SNX19: variants seen among roughly 807,000 people sequenced by gnomAD.
SNX19 encodes sorting nexin-19.
SNX19 carries 60 observed loss-of-function variants against 85.2 expected under a neutral mutation model. The observed-to-expected ratio is 0.70, with a 90% CI of 0.57 to 0.87. The LOEUF (loss-of-function observed/expected upper bound fraction) is 0.87. Ranked by LOEUF, SNX19 falls within the 40% of genes least tolerant of loss-of-function variation. The probability of loss-of-function intolerance (pLI) is 0.00; values close to 1 mark genes in which losing one functional copy is unlikely to be tolerated. For synonymous variants in SNX19, 520 were observed against 470.0 expected, an observed-to-expected ratio of 1.11 and a Z score of -1.38; for missense variants, 1,201 against 1,217.8, an observed-to-expected ratio of 0.99 and a Z score of 0.21.
At position 130,914,945 on chromosome 11, in the gene SNX19, C is replaced by T. The variant is rs1946432446; in HGVS notation, c.995G>A (p.Gly332Asp). The T allele has an allele frequency of 6.2e-7, 1 of 1,614,182 alleles. No homozygotes were observed. The change falls in exon 1 of 11, where the codon GGC becomes GAC. Residue 332 changes from glycine to aspartate, a missense_variant. By Grantham distance (94) the Gly-to-Asp change is moderately conservative (BLOSUM62 -1). Around this residue, in one of 3 missense-constraint regions of SNX19, gnomAD observed 791 missense variants for 750.9 expected, o/e 1.05. Transcript: ENST00000265909. ...CAAATCTCCCTCTACAGCTTCGTGG[C>T]CTTCTTCAACCTCTGGAGAGGGGCC... ...SAGPSPEVEE[G>D]HEAVEGDLGG...
rs1377112273 is a variant in SNX19, at chr11:130,866,881, T to A, written c.*11541A>T. ...TGGCTTTGCTAATAATAATGACATTTATTATGCACTGTGTGCTAGAGGTTG... is the reference window on the plus strand; with the variant it reads ...TGGCTTTGCTAATAATAATGACATTAATTATGCACTGTGTGCTAGAGGTTG... On this transcript the variant is annotated 3_prime_UTR_variant, in exon 11 of 11. Transcript: ENST00000265909. 6.6e-6 allele frequency: 1 copy of A among 152,214 alleles called. No homozygotes were observed. The highest frequency in any genetic ancestry group is 2.4e-5 in the African/African-American group (1 of 41,450). The allele number at this position is 152,214 out of a possible 1,614,324, so 9.4% of individuals were successfully genotyped here. A position where few individuals can be genotyped will look rare whatever the true frequency, so the allele number is the denominator to read the frequency against.
intron 8 of SNX19, among the ~76,000 whole-genome samples, chr11:130,881,821 G>C (rs1217269779): frequency 6.6e-6 from 1 of 152,138 alleles, no homozygotes; most frequent in African/African-American, 2.4e-5. Flanking sequence ...GGTAGCTCTG[G>C]AACAATTACT....
At chr11:130,900,340 T>C (rs1366219991) in intron 8 of SNX19, among the ~76,000 whole-genome samples, 4 of 152,144 alleles carry the variant, frequency 2.6e-5, no homozygotes, top group Non-Finnish European at 5.9e-5. Context: ...TTATCCTCAA[T>C]ATATGAAAAA....
rs1430167220 is a variant in SNX19, at chr11:130,875,458, T to A, written c.*2964A>T. 1 of 152,200 alleles carries A rather than the reference T, an allele frequency of 6.6e-6. No homozygotes were observed. The highest frequency in any genetic ancestry group is 2.4e-5 in the African/African-American group (1 of 41,446). The allele number at this position is 152,200 out of a possible 1,614,324, so 9.4% of individuals were successfully genotyped here. On this transcript the variant is annotated 3_prime_UTR_variant, in exon 11 of 11. Transcript: ENST00000265909. ...GCACTGTGCTGCTTCTAGTTAATAATGTACCGTCTCAAAATAAATAAATAA... is the reference window on the plus strand; with the variant it reads ...GCACTGTGCTGCTTCTAGTTAATAAAGTACCGTCTCAAAATAAATAAATAA...
At chr11:130,907,024 T>C (rs1465125426) in intron 5 of SNX19, among the ~76,000 whole-genome samples, 1 of 152,208 alleles carries the variant, frequency 6.6e-6, no homozygotes, top group Non-Finnish European at 1.5e-5. Flanking sequence ...TCCCACAGGA[T>C]AGATTAGCTA....
At chr11:130,897,506 C>A (rs3794134) in intron 8 of SNX19, among the ~76,000 whole-genome samples, 2 of 152,148 alleles carry the variant, frequency 1.3e-5, no homozygotes, top group Non-Finnish European at 2.9e-5. Flanking sequence ...GGGAGGGCAG[C>A]GCCGCGGACG....
At position 130,894,019 on chromosome 11, in the gene SNX19, A is replaced by T. The variant is rs142163800; in HGVS notation, c.2573+9236T>A. On this transcript the variant is annotated intron_variant, in intron 8 of 10. Transcript: ENST00000265909. Reference sequence around the variant, plus strand: ...AAAACCAAGTTAATGGGGGAGAGCCAAACGGTCTCCATCCATGGCCGAAAG... The same window carrying T: ...AAAACCAAGTTAATGGGGGAGAGCCTAACGGTCTCCATCCATGGCCGAAAG... 5,635 of 576,348 alleles carry T rather than the reference A, an allele frequency of 9.8e-3. 65 individuals are homozygous for T. Among genetic ancestry groups the T allele is most frequent in the Non-Finnish European group, 0.01 (3,368 of 323,592 alleles). The allele number at this position is 576,348 out of a possible 1,614,324, so 35.7% of individuals were successfully genotyped here. A position where few individuals can be genotyped will look rare whatever the true frequency, so the allele number is the denominator to read the frequency against.
In SNX19 at chr11:130,878,230, G is replaced by A. The variant is rs763102294; in HGVS notation, c.*192C>T. The stretch of plus-strand genomic sequence containing the variant: ...TCACAAAAGGAACAGGGAAATAAAC[G>A]TGCATACAACTGGGACACACAGACC... On this transcript the variant is annotated 3_prime_UTR_variant, in exon 11 of 11. Coordinates refer to ENST00000265909, the MANE Select transcript of SNX19 (RefSeq NM_014758.3). 3.5e-5 allele frequency: 17 copies of A among 479,202 alleles called. No homozygotes were observed. Among genetic ancestry groups the A allele is most frequent in the Non-Finnish European group, 6.2e-5 (17 of 273,314 alleles). The allele number at this position is 479,202 out of a possible 1,614,324, so 29.7% of individuals were successfully genotyped here.
intron 9 of SNX19, among the ~76,000 whole-genome samples, 199 bp from the exon 10 acceptor site, chr11:130,879,910 A>G (rs918413611): frequency 2.0e-5 from 3 of 152,244 alleles, no homozygotes; most frequent in Non-Finnish European, 4.4e-5. Flanking sequence ...AGGTGTCTAC[A>G]TAAGAATGGG....
chr11:130,891,636 GAAGAA>G (rs1944501576), intron 8 of SNX19, among the ~76,000 whole-genome samples: 2 of 152,122 alleles, frequency 1.3e-5, no homozygotes, highest in South Asian at 2.1e-4. Flanking sequence ...AAACTAGTAA[GAAGAA>G]AAGAAGAGAG....
chr11:130,886,275 C>T (rs1052401493), intron 8 of SNX19, among the ~76,000 whole-genome samples: 5 of 152,080 alleles, frequency 3.3e-5, no homozygotes, highest in African/African-American at 1.2e-4. Flanking sequence ...ACACTTGTTT[C>T]GTATGTATGT....
At chr11:130,898,682 C>G (rs917037022) in intron 8 of SNX19, among the ~76,000 whole-genome samples, 18 of 152,136 alleles carry the variant, frequency 1.2e-4, no homozygotes, top group African/African-American at 3.9e-4. Context: ...TATTGGCTTA[C>G]CAAAGCAAAT....
rs1943356884 is a variant in SNX19 at position 130,877,876 on chromosome 11, C to T, written c.*546G>A. The T allele has an allele frequency of 6.6e-6, 1 of 152,384 alleles. No individual in the cohort carries two copies. Among genetic ancestry groups the T allele is most frequent in the Non-Finnish European group, 1.5e-5 (1 of 68,052 alleles). The allele number at this position is 152,384 out of a possible 1,614,324, so 9.4% of individuals were successfully genotyped here. A position where few individuals can be genotyped will look rare whatever the true frequency, so the allele number is the denominator to read the frequency against. On this transcript the variant is annotated 3_prime_UTR_variant, in exon 11 of 11. Transcript: ENST00000265909. ...AGTTCCTTGAAAAATTTTCTTCCCT[C>T]CTTCTTCTTCTGGAACTGTTGGGAA...
At position 130,914,632 on chromosome 11, in the gene SNX19, C is replaced by G. The variant is rs543674432; in HGVS notation, c.1308G>C (p.Leu436=). 23 of 1,613,954 alleles carry G rather than the reference C, an allele frequency of 1.4e-5. No individual in the cohort carries two copies. In the East Asian group the frequency reaches 4.5e-4, roughly 31 times the overall value. ...EGPGTETETG[L]PVSTLNSCPE... is the part of the protein sequence containing the mutation. The stretch of plus-strand genomic sequence containing the variant: ...GGCAGGAATTCAGTGTGGAGACCGG[C>G]AGGCCTGTCTCTGTTTCTGTCCCTG... The change falls in exon 1 of 11, where the codon CTG becomes CTC. Residue 436 remains leucine, a synonymous_variant. Transcript: ENST00000265909.
At chr11:130,880,832 T>G (rs756890459) in intron 8 of SNX19, 26 bp from the exon 9 acceptor site, 2 of 1,515,574 alleles carry the variant, frequency 1.3e-6, no homozygotes, top group South Asian at 2.7e-5. Flanking sequence ...GACGAAAGCT[T>G]AGATAAAGCT....
At chr11:130,893,350 G>A (rs1229726987) in intron 8 of SNX19, among the ~76,000 whole-genome samples, 1 of 152,130 alleles carries the variant, frequency 6.6e-6, no homozygotes, top group African/African-American at 2.4e-5. Flanking sequence ...TTCAAATTAT[G>A]CTGTGAAAAT....
chr11:130,906,161 T>C, intron 6 of SNX19, 28 bp from the exon 7 acceptor site: 1 of 1,604,648 alleles, frequency 6.2e-7, no homozygotes, highest in Non-Finnish European at 8.5e-7. Flanking sequence ...GCATATCACA[T>C]ATGGAATGCT....
intron 4 of SNX19, among the ~76,000 whole-genome samples, chr11:130,909,211 A>G (rs1177818847): frequency 5.3e-5 from 8 of 152,218 alleles, no homozygotes. Flanking sequence ...GAAATAATGG[A>G]TGAATGATAT....
At chr11:130,893,736 G>A in intron 8 of SNX19, 2 of 692,568 alleles carry the variant, frequency 2.9e-6, no homozygotes. Context: ...ACCTGGGGGA[G>A]AGAGGAGGCA....
Sources: allele counts gnomAD v4.1 joint callset (sites outside exome capture counted in the v4.1 genomes callset), GRCh38; gene constraint gnomAD v4.1.1; regional missense constraint gnomAD v4.1.1; transcripts MANE v1.5; gene names NCBI Gene and HGNC (gene_info 2026-07-23, HGNC 2026-07-21).